Variants in RASA2 observed in about 807,000 individuals in gnomAD.
The protein encoded by RASA2 is ras GTPase-activating protein 2.
A neutral mutation model predicts 118.2 loss-of-function variants in RASA2; 155 were observed. That is an observed-to-expected ratio of 1.31 (90% confidence interval 1.15 to 1.50). The LOEUF (loss-of-function observed/expected upper bound fraction) is 1.50, where lower values mean the gene tolerates loss of function less well. RASA2 is among the 40% of genes most tolerant of loss of function. RASA2 has a pLI of 0.00. For synonymous variants in RASA2, 353 were observed against 349.1 expected (o/e 1.01, Z -0.12); for missense variants, 1,016 against 1,009.6 (o/e 1.01, Z -0.09).
In RASA2 at chr3:141,487,114, GCTT is replaced by G; in HGVS notation, c.36_38del (p.Ser13del). ...GGCGGCGGCGCCTGCTGCTGCGGCG[GCTT>G]CTTCCGAGGCGCCAGCGGCGAGTGC... On this transcript the variant is annotated inframe_deletion, in exon 1 of 24. Coordinates refer to ENST00000286364, the MANE Select transcript of RASA2 (RefSeq NM_006506.5). The G allele has an allele frequency of 7.1e-7, 1 of 1,417,866 alleles. No homozygotes were observed. The highest frequency in any genetic ancestry group is 9.3e-7 in the Non-Finnish European group (1 of 1,073,328). 87.8% of individuals were successfully genotyped at this position (1,417,866 alleles called of 1,614,324 possible).
intron 2 of RASA2, among the ~76,000 whole-genome samples, chr3:141,513,081 C>A (rs78855558): frequency 0.016 from 2,190 of 138,770 alleles, 38 homozygotes; most frequent in African/African-American, 0.048. Context: ...AAAAAAAAAA[C>A]AAAAAAACGA....
chr3:141,564,866 T>G (rs2151123720), intron 9 of RASA2, among the ~76,000 whole-genome samples: 1 of 152,344 alleles, frequency 6.6e-6, no homozygotes, highest in Non-Finnish European at 1.5e-5. Flanking sequence ...CATTGGTCAC[T>G]TAACAATCCA....
At chr3:141,566,246 A>G (rs373211881) in intron 9 of RASA2, among the ~76,000 whole-genome samples, 1 of 152,234 alleles carries the variant, frequency 6.6e-6, no homozygotes, top group Non-Finnish European at 1.5e-5. Context: ...TGATATTGCA[A>G]AAGGAGAAAC....
Position 141,580,069 on chromosome 3 carries a change from G to GAA in RASA2, c.1591-283_1591-282dup, listed in dbSNP as rs1165547118. 1.5e-3 allele frequency among the ~76,000 whole-genome samples: 104 copies of GAA among 67,908 alleles called. 1 individual carries two copies. The highest frequency in any genetic ancestry group is 1.9e-3 in the Non-Finnish European group (80 of 41,650). 44.6% of individuals were successfully genotyped at this position (67,908 alleles called of 152,430 possible). On this transcript the variant is annotated intron_variant, in intron 15 of 23. Coordinates refer to ENST00000286364, the MANE Select transcript of RASA2 (RefSeq NM_006506.5). The stretch of plus-strand genomic sequence containing the variant: ...AGACTCCATCTCAGGAAAAAAAAAA[G>GAA]AAAAAAAAAAAAAAAAATATATATA...
chr3:141,547,039 AATG>A (rs1241293260), intron 5 of RASA2, among the ~76,000 whole-genome samples: 1 of 152,048 alleles, frequency 6.6e-6, no homozygotes, highest in Non-Finnish European at 1.5e-5. Context: ...GGTTCTCTGT[AATG>A]ATCTGTTGGT....
At chr3:141,497,871 C>CA (rs759777505) in intron 1 of RASA2, among the ~76,000 whole-genome samples, 1,281 of 102,664 alleles carry the variant, frequency 0.012, 16 homozygotes, top group African/African-American at 0.037. Context: ...GACCCTGTCT[C>CA]AAAAAAAAAA....
chr3:141,507,550 G>A (rs567625122), intron 1 of RASA2, among the ~76,000 whole-genome samples: 1 of 152,258 alleles, frequency 6.6e-6, no homozygotes, highest in South Asian at 2.1e-4. Context: ...CCATGATCAG[G>A]AGTCTACTAC....
chr3:141,516,369 C>A lies in RASA2; in HGVS notation c.293C>A (p.Thr98Asn). 1 of 1,567,668 alleles carries A rather than the reference C, an allele frequency of 6.4e-7. No homozygotes were observed. Among genetic ancestry groups the A allele is most frequent in the Admixed American group, 1.8e-5 (1 of 55,170 alleles). The stretch of plus-strand genomic sequence containing the variant: ...GAATTTTACTTTGAGATTCCAAGAA[C>A]TTTCCAGTATTTGTCTTTCTATGTT... ...SEEFYFEIPR[T>N]FQYLSFYVYD... The change falls in exon 3 of 24, where the codon ACT (threonine) becomes AAT (asparagine). Residue 98 changes from threonine to asparagine, a missense_variant. Thr to Asn is a moderately conservative substitution (Grantham distance 65). Coordinates refer to ENST00000286364, the MANE Select transcript of RASA2 (RefSeq NM_006506.5).
chr3:141,560,411 A>T (rs898885621), intron 9 of RASA2, among the ~76,000 whole-genome samples: 21 of 152,200 alleles, frequency 1.4e-4, no homozygotes, highest in African/African-American at 4.8e-4. Flanking sequence ...TCAGTTGTTT[A>T]TGGGAACTAA....
chr3:141,498,214 A>T (rs2081731208), intron 1 of RASA2, among the ~76,000 whole-genome samples: 1 of 152,200 alleles, frequency 6.6e-6, no homozygotes, highest in Non-Finnish European at 1.5e-5. Context: ...CCTATTTTAG[A>T]GAAGAAGCAA....
chr3:141,610,177 A>T, intron 23 of RASA2, 111 bp downstream of exon 23: 1 of 892,304 alleles, frequency 1.1e-6, no homozygotes, highest in Non-Finnish European at 1.6e-6. Context: ...CATCCCGCTC[A>T]GGGCCATTCT....
rs1475984937 is a variant in RASA2 at position 141,580,523 on chromosome 3, GA to G, written c.1674+73del. On this transcript the variant is annotated intron_variant, in intron 16 of 23. Transcript: ENST00000286364. Reference sequence around the variant, plus strand: ...TTACATCCTATGATCCCTTATCCTTGACTTACCTTCTTCCAAATTAAAAACA... The same window carrying G: ...TTACATCCTATGATCCCTTATCCTTGCTTACCTTCTTCCAAATTAAAAACA... 11 of 1,176,018 alleles carry G rather than the reference GA, an allele frequency of 9.4e-6. No homozygotes were observed. In the East Asian group the frequency reaches 2.7e-4, roughly 29 times the overall value. 72.8% of individuals were successfully genotyped at this position (1,176,018 alleles called of 1,614,324 possible). A position where few individuals can be genotyped will look rare whatever the true frequency, so the allele number is the denominator to read the frequency against.
Position 141,610,423 on chromosome 3 carries a change from T to A in RASA2, c.2519+357T>A, listed in dbSNP as rs1559799660. Among the ~76,000 whole-genome samples, 322 of 114,960 alleles carry A rather than the reference T, an allele frequency of 2.8e-3. 3 individuals are homozygous for A. Among genetic ancestry groups the A allele is most frequent in the African/African-American group, 0.011 (282 of 25,432 alleles). 75.4% of individuals were successfully genotyped at this position (114,960 alleles called of 152,430 possible). Reference sequence around the variant, plus strand: ...TATATATTATATATTTATATTTATATATTATATATTTATATTTATATATTA... The same window carrying A: ...TATATATTATATATTTATATTTATAAATTATATATTTATATTTATATATTA... On this transcript the variant is annotated intron_variant, in intron 23 of 23. Transcript: ENST00000286364.
chr3:141,518,899 C>T (rs2151086238), intron 3 of RASA2, among the ~76,000 whole-genome samples: 1 of 152,130 alleles, frequency 6.6e-6, no homozygotes, highest in African/African-American at 2.4e-5. Flanking sequence ...ATCCTTTCCC[C>T]ATATCATTAA....
At chr3:141,545,614 AT>A (rs1273631113) in intron 5 of RASA2, among the ~76,000 whole-genome samples, 1 of 151,304 alleles carries the variant, frequency 6.6e-6, no homozygotes, top group Non-Finnish European at 1.5e-5. Flanking sequence ...GACCTGGCTA[AT>A]TTTTGTATTT....
In RASA2 at chr3:141,487,087, G is replaced by T; in HGVS notation, c.4G>T (p.Ala2Ser). The change falls in exon 1 of 24, where the codon GCG (alanine) becomes TCG (serine). Residue 2 changes from alanine to serine, a missense_variant. Transcript: ENST00000286364. ...GCGGCACGGGCCGGGCGGCACCATG[G>T]CGGCGGCGGCGCCTGCTGCTGCGGC... M[A>S]AAAPAAAAAS... The T allele has an allele frequency of 7.4e-7, 1 of 1,357,812 alleles. No homozygotes were observed. The highest frequency in any genetic ancestry group is 3.4e-5 in the East Asian group (1 of 29,072). The allele number at this position is 1,357,812 out of a possible 1,614,324, so 84.1% of individuals were successfully genotyped here.
At position 141,496,562 on chromosome 3, in the gene RASA2, T is replaced by A. The variant is rs1300112306; in HGVS notation, c.133+9346T>A. ...TTATGCAGCCAACAGACATATGAAA[T>A]AATGCTTATCATCACTGGCCATCAG... On this transcript the variant is annotated intron_variant, in intron 1 of 23. Transcript: ENST00000286364. 2.6e-5 allele frequency among the ~76,000 whole-genome samples: 4 copies of A among 152,156 alleles called. No homozygotes were observed. In the South Asian group the frequency reaches 6.2e-4, roughly 24 times the overall value.
At chr3:141,501,504 A>G (rs2081781411) in intron 1 of RASA2, among the ~76,000 whole-genome samples, 1 of 152,238 alleles carries the variant, frequency 6.6e-6, no homozygotes, top group Non-Finnish European at 1.5e-5. Context: ...TTGAAGCATT[A>G]TAGTTACCTC....
chr3:141,514,361 G>C (rs903517386), intron 2 of RASA2, among the ~76,000 whole-genome samples: 1 of 152,182 alleles, frequency 6.6e-6, no homozygotes, highest in African/African-American at 2.4e-5. Context: ...ATAGATTCTA[G>C]AACATAATCT....
Sources: allele counts gnomAD v4.1 joint callset (sites outside exome capture counted in the v4.1 genomes callset), GRCh38; gene constraint gnomAD v4.1.1; transcripts MANE v1.5; gene names NCBI Gene and HGNC (gene_info 2026-07-23, HGNC 2026-07-21).